The following FOXR1 variants were observed in gnomAD, a reference collection of about 807,000 sequenced individuals.
The protein encoded by FOXR1 is forkhead box R1, also known as forkhead box protein R1.
FOXR1 carries 25 observed loss-of-function variants against 34.5 expected under a neutral mutation model. The ratio of observed to expected loss-of-function variants is 0.72; its 90% CI spans 0.53 to 1.01. The LOEUF (loss-of-function observed/expected upper bound fraction) is 1.01, where lower values mean the gene tolerates loss of function less well. FOXR1 is among the 50% of genes least tolerant of loss of function. FOXR1 has a pLI of 0.00. For synonymous variants in FOXR1, 153 were observed against 141.6 expected, an observed-to-expected ratio of 1.08 and a Z score of -0.57; for missense variants, 373 against 376.2, an observed-to-expected ratio of 0.99 and a Z score of 0.07.
intron 1 of FOXR1, among the ~76,000 whole-genome samples, chr11:118,973,050 G>A (rs1478491169): frequency 6.6e-6 from 1 of 151,004 alleles, no homozygotes; most frequent in Non-Finnish European, 1.5e-5. Context: ...ATTTCTGATT[G>A]TTGTTAGTAT....
rs1941826525 is a variant in FOXR1 at position 118,979,580 on chromosome 11, C to G, written c.523C>G (p.Pro175Ala). Residue 175 changes from proline (P) to alanine (A), a missense_variant, in exon 4 of 6, where the codon CCT (proline) becomes GCT (alanine). Pro to Ala is a conservative substitution (Grantham distance 27, BLOSUM62 -1). Transcript: ENST00000317011. ...SQAGRLWSRP[P>A]LNYFHLIALA... ...GGCGGGGAGGCTCTGGTCCCGGCCCCCTCTCAATTACTTCCACCTAATTGC... is the reference window on the plus strand; with the variant it reads ...GGCGGGGAGGCTCTGGTCCCGGCCCGCTCTCAATTACTTCCACCTAATTGC... 6.2e-7 allele frequency: 1 copy of G among 1,612,768 alleles called. No homozygotes were observed. The highest frequency in any genetic ancestry group is 1.3e-5 in the African/African-American group (1 of 74,904).
At chr11:118,978,716 A>G in intron 1 of FOXR1, 66 bp from the exon 2 acceptor site, 1 of 1,567,554 alleles carries the variant, frequency 6.4e-7, no homozygotes, top group South Asian at 1.1e-5. Flanking sequence ...CTTAAGGCCT[A>G]GGATCCTAGG....
At chr11:118,972,135 C>T (rs1402007907) in intron 1 of FOXR1, 143 bp downstream of exon 1, 1 of 569,910 alleles carries the variant, frequency 1.8e-6, no homozygotes, top group African/African-American at 2.2e-5. Flanking sequence ...CCGCGCCCCC[C>T]CCCCCCGACG....
rs782008644 is a variant in FOXR1, at chr11:118,980,644, G to T, written c.766G>T (p.Glu256Ter). The T allele has an allele frequency of 1.9e-5, 31 of 1,614,122 alleles. No homozygotes were observed. Among genetic ancestry groups the T allele is most frequent in the Non-Finnish European group, 2.4e-5 (28 of 1,180,046 alleles). ...PRSCLWKLTE[E>*]GHRRFAEEAR... ...ATCTTGCCTCTGGAAGTTGACCGAGGAGGGACACCGCCGCTTTGCGGAGGA... is the reference window on the plus strand; with the variant it reads ...ATCTTGCCTCTGGAAGTTGACCGAGTAGGGACACCGCCGCTTTGCGGAGGA... Residue 256 changes from glutamate to a stop codon, truncating the protein, a stop_gained, in exon 5 of 6, where the codon GAG becomes TAG. Coordinates refer to ENST00000317011, the MANE Select transcript of FOXR1 (RefSeq NM_181721.3). LOFTEE classifies it high-confidence loss of function.
At chr11:118,976,041 G>T (rs1357625125) in intron 1 of FOXR1, among the ~76,000 whole-genome samples, 1 of 152,204 alleles carries the variant, frequency 6.6e-6, no homozygotes, top group African/African-American at 2.4e-5. Context: ...GGGGTTGAGG[G>T]AGTTAGCCAG....
rs1298310320 is a variant in FOXR1, at chr11:118,979,618, A to C, written c.561A>C (p.Arg187Ser). 1.2e-6 allele frequency: 2 copies of C among 1,612,490 alleles called. No homozygotes were observed. Among genetic ancestry groups the C allele is most frequent in the East Asian group, 4.5e-5 (2 of 44,740 alleles). The change falls in exon 4 of 6, where the codon AGA (arginine) becomes AGC (serine). Residue 187 changes from arginine (R) to serine (S), a missense_variant. Transcript: ENST00000317011. ...NYFHLIALAL[R>S]NSSPCGLNVQ... ...TCCACCTAATTGCCCTGGCATTAAGAAACAGTTCCCCCTGTGGCCTCAACG... is the reference window on the plus strand; with the variant it reads ...TCCACCTAATTGCCCTGGCATTAAGCAACAGTTCCCCCTGTGGCCTCAACG...
At chr11:118,972,069 GA>G (rs1778822977) in intron 1 of FOXR1, 77 bp downstream of exon 1, 18 of 1,257,388 alleles carry the variant, frequency 1.4e-5, no homozygotes, top group Admixed American at 5.8e-5. Flanking sequence ...CCCCGGGGCA[GA>G]CGGCTCCCCA....
At position 118,978,957 on chromosome 11, in the gene FOXR1, G is replaced by A; in HGVS notation, c.137G>A (p.Gly46Asp). ...LEKKPNPDKDGPDYEPNLWMW... is the reference protein window; with the variant it reads ...LEKKPNPDKDDPDYEPNLWMW... Reference sequence around the variant, plus strand: ...GCACACAATCTTTTGTTCTGCACAGGTCCAGATTATGAGCCCAACCTCTGG... The same window carrying A: ...GCACACAATCTTTTGTTCTGCACAGATCCAGATTATGAGCCCAACCTCTGG... The change falls in exon 3 of 6, where the codon GGT becomes GAT. Residue 46 changes from glycine to aspartate, a missense_variant and splice_region_variant. Gly to Asp is a moderately conservative substitution (Grantham distance 94). Transcript: ENST00000317011. 1 of 1,609,080 alleles carries A rather than the reference G, an allele frequency of 6.2e-7. No individual in the cohort carries two copies.
intron 4 of FOXR1, 21 bp from the exon 5 acceptor site, chr11:118,980,469 A>G: frequency 6.2e-7 from 1 of 1,612,272 alleles, no homozygotes; most frequent in Non-Finnish European, 8.5e-7. Flanking sequence ...GCCTTTCCTT[A>G]CCTCTCCTCC....
At chr11:118,976,821 T>C (rs1041367422) in intron 1 of FOXR1, among the ~76,000 whole-genome samples, 1 of 152,190 alleles carries the variant, frequency 6.6e-6, no homozygotes, top group Non-Finnish European at 1.5e-5. Context: ...TTTCGTATTA[T>C]TAATAATGCT....
chr11:118,979,373 C>G lies in FOXR1; in HGVS notation c.385-69C>G, dbSNP rs1215697612. 4.7e-6 allele frequency: 7 copies of G among 1,487,770 alleles called. No homozygotes were observed. The Middle Eastern group carries it at 6.6e-4, about 140-fold the overall frequency. The allele number at this position is 1,487,770 out of a possible 1,614,324, so 92.2% of individuals were successfully genotyped here. A position where few individuals can be genotyped will look rare whatever the true frequency, so the allele number is the denominator to read the frequency against. Reference sequence around the variant, plus strand: ...AAATGGTGGCCTTAGACCACCCCCCCTTCCTGCCACTGCACCCTGGAGTAG... The same window carrying G: ...AAATGGTGGCCTTAGACCACCCCCCGTTCCTGCCACTGCACCCTGGAGTAG... On this transcript the variant is annotated intron_variant, in intron 3 of 5. Transcript: ENST00000317011.
chr11:118,977,174 G>A (rs898592337), intron 1 of FOXR1, among the ~76,000 whole-genome samples: 66 of 152,020 alleles, frequency 4.3e-4, no homozygotes, highest in African/African-American at 1.5e-3. Flanking sequence ...GGGACTACAG[G>A]TACACACCAC....
At chr11:118,977,210 T>C (rs543322752) in intron 1 of FOXR1, among the ~76,000 whole-genome samples, 1 of 152,110 alleles carries the variant, frequency 6.6e-6, no homozygotes, top group South Asian at 2.1e-4. Flanking sequence ...TTTTGTACTT[T>C]TAGTAGAGAT....
chr11:118,971,819 C>G lies in FOXR1; in HGVS notation c.-113C>G. 1.7e-6 allele frequency: 2 copies of G among 1,183,376 alleles called. No individual in the cohort carries two copies. The highest frequency in any genetic ancestry group is 2.4e-6 in the Non-Finnish European group (2 of 820,940). 73.3% of individuals were successfully genotyped at this position (1,183,376 alleles called of 1,614,324 possible). A position where few individuals can be genotyped will look rare whatever the true frequency, so the allele number is the denominator to read the frequency against. ...CAGCCGCCGCGCTCCCACTCCGCGT[C>G]CCCACTCCGCGCCGCCGCGCCTCTG... On this transcript the variant is annotated 5_prime_UTR_variant, in exon 1 of 6. Coordinates refer to ENST00000317011, the MANE Select transcript of FOXR1 (RefSeq NM_181721.3).
chr11:118,977,192 G>A lies in FOXR1; in HGVS notation c.62-1590G>A, dbSNP rs141872767. ...ACTACAGGTACACACCACCAAGCCCGGCTAATTTTTTGTACTTTTAGTAGA... is the reference window on the plus strand; with the variant it reads ...ACTACAGGTACACACCACCAAGCCCAGCTAATTTTTTGTACTTTTAGTAGA... On this transcript the variant is annotated intron_variant, in intron 1 of 5. Transcript: ENST00000317011. Among the ~76,000 whole-genome samples, 517 of 151,998 alleles carry A rather than the reference G, an allele frequency of 3.4e-3. 4 individuals carry two copies. Among genetic ancestry groups the A allele is most frequent in the African/African-American group, 0.012 (492 of 41,452 alleles).
At chr11:118,972,249 G>T (rs1941719431) in intron 1 of FOXR1, among the ~76,000 whole-genome samples, 1 of 152,044 alleles carries the variant, frequency 6.6e-6, no homozygotes, top group Non-Finnish European at 1.5e-5. Flanking sequence ...AGCTCCCGGA[G>T]GACAGCTGGT....
chr11:118,979,507 CA>C lies in FOXR1; in HGVS notation c.454del (p.Arg152GlyfsTer30). 4 of 1,613,374 alleles carry C rather than the reference CA, an allele frequency of 2.5e-6. No individual in the cohort carries two copies. Among genetic ancestry groups the C allele is most frequent in the Non-Finnish European group, 3.4e-6 (4 of 1,179,626 alleles). On this transcript the variant is annotated frameshift_variant, in exon 4 of 6. Transcript: ENST00000317011. LOFTEE classifies it high-confidence loss of function. ...CCTCTATGGCTCTCCCATCCCCTCACAAAAGGGCCCCCCTCCAGAGTCGGAG... is the reference window on the plus strand; with the variant it reads ...CCTCTATGGCTCTCCCATCCCCTCACAAAGGGCCCCCCTCCAGAGTCGGAG... ...SSSMALPSPH[K>X]RAPLQSRRLR... is the part of the protein sequence containing the mutation.
At chr11:118,973,551 T>C (rs1427781327) in intron 1 of FOXR1, among the ~76,000 whole-genome samples, 2 of 151,878 alleles carry the variant, frequency 1.3e-5, no homozygotes, top group Admixed American at 6.6e-5. Context: ...AGGCACGCGC[T>C]ACCATGCCCA....
At position 118,979,425 on chromosome 11, in the gene FOXR1, A is replaced by G. The variant is rs1389242596; in HGVS notation, c.385-17A>G. 6.3e-7 allele frequency: 1 copy of G among 1,587,128 alleles called. No individual in the cohort carries two copies. Among genetic ancestry groups the G allele is most frequent in the East Asian group, 2.3e-5 (1 of 44,372 alleles). ...GGCTGAGGAGTCAGGACCAGTTCCT[A>G]CTCTGTGCTCCTCTAGCTCACAGAA... On this transcript the variant is annotated splice_polypyrimidine_tract_variant and intron_variant, in intron 3 of 5. Coordinates refer to ENST00000317011, the MANE Select transcript of FOXR1 (RefSeq NM_181721.3).
Sources: gnomAD v4.1 joint callset for allele counts (sites outside exome capture counted in the v4.1 genomes callset) on GRCh38, gnomAD v4.1.1 for gene constraint, MANE v1.5 for transcripts, NCBI Gene and HGNC (gene_info 2026-07-23, HGNC 2026-07-21) for gene names.